PTPN1: variants seen among roughly 807,000 people sequenced by gnomAD.
PTPN1 encodes the protein protein tyrosine phosphatase non-receptor type 1.
PTPN1 carries 12 observed loss-of-function variants against 59.9 expected under a neutral mutation model. The observed-to-expected ratio is 0.20, with a 90% CI of 0.13 to 0.32. The LOEUF (loss-of-function observed/expected upper bound fraction) is 0.32, where lower values mean the gene tolerates loss of function less well. Among genes scored for constraint, PTPN1 ranks in the 10% least tolerant of loss-of-function variants. The pLI is 1.00. For missense variants in PTPN1, 356 were observed against 549.2 expected (o/e 0.65, Z 3.52); for synonymous variants, 178 against 203.6 (o/e 0.87, Z 1.07).
At chr20:50,579,029 C>T (rs2082851539) in intron 6 of PTPN1, 139 bp from the exon 7 acceptor site, 6 of 993,392 alleles carry the variant, frequency 6.0e-6, no homozygotes, top group Non-Finnish European at 7.6e-6. Context: ...GACCCAGACA[C>T]CTCCCACCCA....
At position 50,582,844 on chromosome 20, in the gene PTPN1, G is replaced by A. The variant is rs1601418211; in HGVS notation, c.*129G>A. 11 of 1,161,494 alleles carry A rather than the reference G, an allele frequency of 9.5e-6. No individual in the cohort carries two copies. Among genetic ancestry groups the A allele is most frequent in the Admixed American group, 6.1e-5 (3 of 49,114 alleles). The allele number at this position is 1,161,494 out of a possible 1,614,324, so 71.9% of individuals were successfully genotyped here. On this transcript the variant is annotated 3_prime_UTR_variant, in exon 10 of 10. Coordinates refer to ENST00000371621, the MANE Select transcript of PTPN1 (RefSeq NM_002827.4). The surrounding 1 kb of genome is among the most constrained non-coding windows in gnomAD (Gnocchi z 4.2). Reference sequence around the variant, plus strand: ...GTAGAGAGCCGGGCCCCGGACGGACGTTGGTTCTGCACTAAAACCCATCTT... The same window carrying A: ...GTAGAGAGCCGGGCCCCGGACGGACATTGGTTCTGCACTAAAACCCATCTT...
At chr20:50,532,252 C>T (rs935107880) in intron 1 of PTPN1, among the ~76,000 whole-genome samples, 2 of 152,198 alleles carry the variant, frequency 1.3e-5, no homozygotes, top group South Asian at 2.1e-4. Context: ...TGTTTTAAAT[C>T]GAGAGGCTTT....
At chr20:50,527,959 C>T (rs2122732596) in intron 1 of PTPN1, among the ~76,000 whole-genome samples, 2 of 152,304 alleles carry the variant, frequency 1.3e-5, no homozygotes, top group South Asian at 4.1e-4. Flanking sequence ...CATTCACTCA[C>T]CCAGGATGTA....
intron 1 of PTPN1, among the ~76,000 whole-genome samples, chr20:50,528,335 C>CT (rs2082586092): frequency 6.6e-6 from 1 of 152,132 alleles, no homozygotes; most frequent in Admixed American, 6.5e-5. Flanking sequence ...GCCAAGTAAT[C>CT]TATCAAGTCT....
At position 50,583,358 on chromosome 20, in the gene PTPN1, G is replaced by A. The variant is rs118042879; in HGVS notation, c.*643G>A. 1,456 of 152,700 alleles carry A rather than the reference G, an allele frequency of 9.5e-3. 13 individuals are homozygous for A. The highest frequency in any genetic ancestry group is 0.016 in the Non-Finnish European group (1,101 of 68,306). 9.5% of individuals were successfully genotyped at this position (152,700 alleles called of 1,614,324 possible). ...AGTGATATTGTGGGTAACGTGAGAAGATAGAACAATGCTATAATATATAAT... is the reference window on the plus strand; with the variant it reads ...AGTGATATTGTGGGTAACGTGAGAAAATAGAACAATGCTATAATATATAAT... On this transcript the variant is annotated 3_prime_UTR_variant, in exon 10 of 10. Transcript: ENST00000371621.
At chr20:50,542,794 C>T (rs1029439834) in intron 1 of PTPN1, among the ~76,000 whole-genome samples, 1 of 152,296 alleles carries the variant, frequency 6.6e-6, no homozygotes, top group Non-Finnish European at 1.5e-5. Flanking sequence ...GGTTTACTGC[C>T]TGCTTCCATT....
intron 1 of PTPN1, among the ~76,000 whole-genome samples, chr20:50,544,878 C>T (rs979778998): frequency 1.1e-4 from 16 of 152,100 alleles, no homozygotes; most frequent in Non-Finnish European, 4.4e-5. Flanking sequence ...TGGTGGCACA[C>T]ACCTGTAATC....
intron 1 of PTPN1, among the ~76,000 whole-genome samples, chr20:50,516,605 T>C (rs1323324249): frequency 6.6e-6 from 1 of 152,230 alleles, no homozygotes; most frequent in Admixed American, 6.5e-5. Flanking sequence ...TGAGTATAGT[T>C]AACAACTCAA....
chr20:50,532,328 A>G lies in PTPN1; in HGVS notation c.63+21738A>G, dbSNP rs562838270. 2.0e-5 allele frequency among the ~76,000 whole-genome samples: 3 copies of G among 152,328 alleles called. No homozygotes were observed. The South Asian group carries it at 6.2e-4, about 32-fold the overall frequency. On this transcript the variant is annotated intron_variant, in intron 1 of 9. Coordinates refer to ENST00000371621, the MANE Select transcript of PTPN1 (RefSeq NM_002827.4). ...TAGCTTGTGAGGTTCACAGTTTATT[A>G]TTTACAGAGTGTCCCCTTAAATCTT...
At chr20:50,537,062 C>T (rs138739329) in intron 1 of PTPN1, among the ~76,000 whole-genome samples, 3,529 of 152,276 alleles carry the variant, frequency 0.023, 121 homozygotes, top group African/African-American at 0.077. Context: ...CGGTGGCTCA[C>T]GCCTGTAATC....
chr20:50,551,272 A>T (rs985222715), intron 1 of PTPN1, among the ~76,000 whole-genome samples: 1 of 152,194 alleles, frequency 6.6e-6, no homozygotes, highest in African/African-American at 2.4e-5. Context: ...TATTCAGGTG[A>T]AGAAGGTTTC....
chr20:50,566,602 C>T (rs1413492870), intron 3 of PTPN1, among the ~76,000 whole-genome samples: 1 of 152,142 alleles, frequency 6.6e-6, no homozygotes. Context: ...ACCAAGAACA[C>T]CCTTCCCATT....
In PTPN1 at chr20:50,585,185, A is replaced by C. The variant is rs576213461; in HGVS notation, c.*2470A>C. 6 of 152,356 alleles carry C rather than the reference A, an allele frequency of 3.9e-5. No homozygotes were observed. Among genetic ancestry groups the C allele is most frequent in the Admixed American group, 2.6e-4 (4 of 15,290 alleles). 9.4% of individuals were successfully genotyped at this position (152,356 alleles called of 1,614,324 possible). A position where few individuals can be genotyped will look rare whatever the true frequency, so the allele number is the denominator to read the frequency against. On this transcript the variant is annotated 3_prime_UTR_variant, in exon 10 of 10. Coordinates refer to ENST00000371621, the MANE Select transcript of PTPN1 (RefSeq NM_002827.4). Reference sequence around the variant, plus strand: ...TATAGAATTGACTTAGAAATAAGACAGATTAGTATAGTTTTTCATTTGTGT... The same window carrying C: ...TATAGAATTGACTTAGAAATAAGACCGATTAGTATAGTTTTTCATTTGTGT...
At chr20:50,520,785 GGAA>G (rs781011759) in intron 1 of PTPN1, among the ~76,000 whole-genome samples, 4 of 152,198 alleles carry the variant, frequency 2.6e-5, no homozygotes, top group Non-Finnish European at 5.9e-5. Context: ...AGACGACTCA[GGAA>G]GAAGAAGACT....
chr20:50,522,878 C>T (rs904493857), intron 1 of PTPN1, among the ~76,000 whole-genome samples: 4 of 151,914 alleles, frequency 2.6e-5, no homozygotes, highest in Non-Finnish European at 4.4e-5. Context: ...CTCAGCCTCC[C>T]GAGTAGCTGG....
chr20:50,564,779 C>A (rs2082771303), intron 2 of PTPN1, among the ~76,000 whole-genome samples, 190 bp from the exon 3 acceptor site: 2 of 152,184 alleles, frequency 1.3e-5, no homozygotes, highest in African/African-American at 4.8e-5. Flanking sequence ...GCTTCAGACA[C>A]TTCTGAAAAC....
In PTPN1 at chr20:50,529,086, C is replaced by T. The variant is rs542101260; in HGVS notation, c.63+18496C>T. Among the ~76,000 whole-genome samples the T allele has an allele frequency of 4.6e-5, 7 of 152,262 alleles. No individual in the cohort carries two copies. The South Asian group carries it at 8.3e-4, about 18-fold the overall frequency. ...ATCTGATCCCAGTTATGTTAATGCT[C>T]GATGGAGCTAAGTCTTATCTCGAAG... On this transcript the variant is annotated intron_variant, in intron 1 of 9. Coordinates refer to ENST00000371621, the MANE Select transcript of PTPN1 (RefSeq NM_002827.4).
intron 4 of PTPN1, among the ~76,000 whole-genome samples, chr20:50,569,624 G>A (rs1232783346): frequency 2.0e-5 from 3 of 151,136 alleles, no homozygotes; most frequent in Non-Finnish European, 3.0e-5. Context: ...GATTGTCTGT[G>A]TAGACTGTCC....
chr20:50,532,083 A>G (rs2082603914), intron 1 of PTPN1, among the ~76,000 whole-genome samples: 1 of 152,206 alleles, frequency 6.6e-6, no homozygotes, highest in Non-Finnish European at 1.5e-5. Context: ...ATTTAAGGGG[A>G]GATCTGTAAC....
Sources: gnomAD v4.1 joint callset for allele counts (sites outside exome capture counted in the v4.1 genomes callset) on GRCh38, gnomAD v4.1.1 for gene constraint, Gnocchi (gnomAD v3.1) non-coding constraint, MANE v1.5 for transcripts, NCBI Gene and HGNC (gene_info 2026-07-23, HGNC 2026-07-21) for gene names.